NTNG1: variants seen among roughly 807,000 people sequenced by gnomAD.
NTNG1 encodes the protein netrin G1, also known as netrin-G1.
In NTNG1, 16 loss-of-function variants were observed where a neutral mutation model predicts 54.0. That is an observed-to-expected ratio of 0.30 (90% CI 0.20 to 0.45). The LOEUF is 0.45. NTNG1 is among the 20% of genes least tolerant of loss of function. The pLI, the probability that NTNG1 is intolerant of heterozygous loss-of-function variation, is 1.00. For missense variants in NTNG1, 530 were observed against 678.7 expected (o/e 0.78, Z 2.43); for synonymous variants, 255 against 263.1 (o/e 0.97, Z 0.30).
intron 7 of NTNG1, 119 bp downstream of exon 7, chr1:107,436,918 A>C: frequency 1.1e-6 from 1 of 924,172 alleles, no homozygotes; most frequent in Non-Finnish European, 1.6e-6. Flanking sequence ...CAAGTTTTAA[A>C]AGCTACTTAA....
chr1:107,248,004 G>C lies in NTNG1; in HGVS notation c.247-76278G>C, dbSNP rs116715260. 5.2e-3 allele frequency among the ~76,000 whole-genome samples: 792 copies of C among 152,318 alleles called. 17 individuals are homozygous for C. The highest frequency in any genetic ancestry group is 0.018 in the African/African-American group (766 of 41,570). On this transcript the variant is annotated intron_variant, in intron 2 of 7. Coordinates refer to ENST00000370068, the MANE Select transcript of NTNG1 (RefSeq NM_001113226.3). ...TTGTAGAGTTCCCATAGAACTAGGA[G>C]TGGTCATTCAAAATGATCCCTTGCC...
In NTNG1 at chr1:107,432,313, T is replaced by G. The variant is rs76588607; in HGVS notation, c.1255+1396T>G. Among the ~76,000 whole-genome samples the G allele has an allele frequency of 7.9e-5, 12 of 152,348 alleles. No homozygotes were observed. In the East Asian group the frequency reaches 2.1e-3, roughly 27 times the overall value. On this transcript the variant is annotated intron_variant, in intron 6 of 7. Transcript: ENST00000370068. ...CAAAACAGTGGGGTAAGTATTACACTAATTGTTTCCCCTGTCTTGTCATTG... is the reference window on the plus strand; with the variant it reads ...CAAAACAGTGGGGTAAGTATTACACGAATTGTTTCCCCTGTCTTGTCATTG...
intron 2 of NTNG1, among the ~76,000 whole-genome samples, chr1:107,178,157 A>G (rs778872673): frequency 8.5e-5 from 13 of 152,188 alleles, no homozygotes; most frequent in African/African-American, 2.4e-4. Flanking sequence ...CCAAATTTAC[A>G]TTATCATGAC....
intron 2 of NTNG1, among the ~76,000 whole-genome samples, chr1:107,202,330 T>A (rs1557805052): frequency 6.6e-6 from 1 of 151,878 alleles, no homozygotes; most frequent in Admixed American, 6.6e-5. Flanking sequence ...ACTTTTGTCA[T>A]CTGGAAAATG....
intron 2 of NTNG1, among the ~76,000 whole-genome samples, chr1:107,193,588 T>A (rs1418231589): frequency 6.6e-6 from 1 of 152,008 alleles, no homozygotes; most frequent in Non-Finnish European, 1.5e-5. Flanking sequence ...TACTTAATTA[T>A]GTCCTCAGTT....
At chr1:107,343,473 G>A (rs1669030353) in intron 3 of NTNG1, among the ~76,000 whole-genome samples, 1 of 151,730 alleles carries the variant, frequency 6.6e-6, no homozygotes, top group Non-Finnish European at 1.5e-5. Flanking sequence ...ATGATTATTG[G>A]CCTACTGCTA....
At chr1:107,441,923 A>T (rs1467228787) in intron 7 of NTNG1, among the ~76,000 whole-genome samples, 21 of 152,110 alleles carry the variant, frequency 1.4e-4, no homozygotes, top group Non-Finnish European at 4.4e-5. Context: ...TGCATTGTGC[A>T]TTACAGGGTA....
intron 2 of NTNG1, among the ~76,000 whole-genome samples, chr1:107,228,351 T>A (rs1660823049): frequency 1.3e-5 from 2 of 152,192 alleles, no homozygotes; most frequent in South Asian, 4.1e-4. Flanking sequence ...ACTGTTATTT[T>A]GTGAACTATG....
chr1:107,364,851 C>G (rs561348915), intron 3 of NTNG1, among the ~76,000 whole-genome samples: 3 of 152,274 alleles, frequency 2.0e-5, no homozygotes, highest in South Asian at 4.1e-4. Flanking sequence ...CAATCCGTGT[C>G]TATCTCATAT....
chr1:107,175,575 AG>A (rs1445911098), intron 2 of NTNG1, among the ~76,000 whole-genome samples: 15 of 151,876 alleles, frequency 9.9e-5, no homozygotes, highest in Admixed American at 9.8e-4. Flanking sequence ...AATGTCACTG[AG>A]GTATTGTTTT....
intron 5 of NTNG1, among the ~76,000 whole-genome samples, chr1:107,420,370 C>A (rs1358913593): frequency 2.0e-5 from 3 of 152,062 alleles, no homozygotes; most frequent in African/African-American, 7.2e-5. Flanking sequence ...GAGGCCAGTT[C>A]TATGCAGCCA....
intron 2 of NTNG1, among the ~76,000 whole-genome samples, chr1:107,293,396 A>C (rs1665745672): frequency 6.6e-6 from 1 of 152,230 alleles, no homozygotes; most frequent in Admixed American, 6.5e-5. Context: ...AAAACAGATA[A>C]GCTAAATTCA....
rs1183147104 is a variant in NTNG1 at position 107,480,765 on chromosome 1, C to G, written c.1545C>G (p.Gly515=). ...AGSCGSDSGQ[G]APPHGSPALL... is the part of the protein sequence containing the mutation. Reference sequence around the variant, plus strand: ...GCTGCGGCTCCGACTCTGGCCAGGGCGCGCCCCCGCACGGCTCCCCAGCGC... The same window carrying G: ...GCTGCGGCTCCGACTCTGGCCAGGGGGCGCCCCCGCACGGCTCCCCAGCGC... The change falls in exon 8 of 8, where the codon GGC becomes GGG. Residue 515 remains glycine, a synonymous_variant. Coordinates refer to ENST00000370068, the MANE Select transcript of NTNG1 (RefSeq NM_001113226.3). 1 of 1,603,942 alleles carries G rather than the reference C, an allele frequency of 6.2e-7. No homozygotes were observed. The highest frequency in any genetic ancestry group is 1.3e-5 in the African/African-American group (1 of 74,822).
At chr1:107,231,265 G>A (rs1280544295) in intron 2 of NTNG1, among the ~76,000 whole-genome samples, 2 of 152,232 alleles carry the variant, frequency 1.3e-5, no homozygotes, top group Non-Finnish European at 2.9e-5. Context: ...AACAAGCAGA[G>A]GTGCCCACCA....
intron 2 of NTNG1, among the ~76,000 whole-genome samples, chr1:107,203,015 A>G (rs1339396566): frequency 6.6e-6 from 1 of 151,988 alleles, no homozygotes; most frequent in African/African-American, 2.4e-5. Flanking sequence ...ATTATTTAAT[A>G]TATCCACACT....
In NTNG1 at chr1:107,314,444, T is replaced by A. The variant is rs184350021; in HGVS notation, c.247-9838T>A. Among the ~76,000 whole-genome samples, 291 of 116,418 alleles carry A rather than the reference T, an allele frequency of 2.5e-3. 1 individual carries two copies. The highest frequency in any genetic ancestry group is 9.9e-3 in the African/African-American group (277 of 27,900). The allele number at this position is 116,418 out of a possible 152,430, so 76.4% of individuals were successfully genotyped here. ...ATAAATAAATAAATAAATAAATAAATAAAAATGAGATACACACCTAGTTAA... is the reference window on the plus strand; with the variant it reads ...ATAAATAAATAAATAAATAAATAAAAAAAAATGAGATACACACCTAGTTAA... On this transcript the variant is annotated intron_variant, in intron 2 of 7. Coordinates refer to ENST00000370068, the MANE Select transcript of NTNG1 (RefSeq NM_001113226.3).
chr1:107,407,806 CT>C, intron 5 of NTNG1, 98 bp downstream of exon 5: 1 of 1,025,296 alleles, frequency 9.8e-7, no homozygotes, highest in East Asian at 2.4e-5. Flanking sequence ...GTGTCCATTT[CT>C]GATGTAATAG....
At chr1:107,432,830 C>A (rs1003390083) in intron 6 of NTNG1, among the ~76,000 whole-genome samples, 1 of 151,984 alleles carries the variant, frequency 6.6e-6, no homozygotes, top group Admixed American at 6.6e-5. Flanking sequence ...TTAACAATAT[C>A]ACAATATATT....
At chr1:107,456,036 G>A (rs923280171) in intron 7 of NTNG1, among the ~76,000 whole-genome samples, 16 of 152,238 alleles carry the variant, frequency 1.1e-4, no homozygotes, top group African/African-American at 3.4e-4. Flanking sequence ...GGGATAGAAC[G>A]ATTCCCCAGG....
Sources: allele counts gnomAD v4.1 joint callset (sites outside exome capture counted in the v4.1 genomes callset), GRCh38; gene constraint gnomAD v4.1.1; transcripts MANE v1.5; gene names NCBI Gene and HGNC (gene_info 2026-07-23, HGNC 2026-07-21).